TAFA5: variants seen among roughly 807,000 people sequenced by gnomAD.
TAFA5 encodes the protein TAFA chemokine like family member 5, also known as chemokine-like protein TAFA-5.
TAFA5 carries 6 observed loss-of-function variants against 15.3 expected under a neutral mutation model. The ratio of observed to expected loss-of-function variants is 0.39; its 90% confidence interval spans 0.21 to 0.77. The LOEUF (loss-of-function observed/expected upper bound fraction) is 0.77, where lower values mean the gene tolerates loss of function less well. Among genes scored for constraint, TAFA5 ranks in the 30% least tolerant of loss-of-function variants. The probability of loss-of-function intolerance (pLI) is 0.41; values close to 1 mark genes in which losing one functional copy is unlikely to be tolerated. For synonymous variants in TAFA5, 103 were observed against 80.7 expected (o/e 1.28, Z -1.48); for missense variants, 161 against 193.1 (o/e 0.83, Z 0.98).
chr22:48,693,841 C>T (rs779250322), intron 2 of TAFA5, among the ~76,000 whole-genome samples: 1 of 152,204 alleles, frequency 6.6e-6, no homozygotes, highest in Admixed American at 6.5e-5. Flanking sequence ...CCACCTATAC[C>T]CATCTTACTG....
intron 3 of TAFA5, among the ~76,000 whole-genome samples, chr22:48,720,300 C>T (rs1929531744): frequency 1.3e-5 from 2 of 152,142 alleles, no homozygotes; most frequent in African/African-American, 4.8e-5. Context: ...TCCCTGTCTT[C>T]TCCCCACCGT....
chr22:48,517,697 C>A (rs1921460220), intron 1 of TAFA5, among the ~76,000 whole-genome samples: 1 of 130,512 alleles, frequency 7.7e-6, no homozygotes, highest in Non-Finnish European at 1.7e-5. Flanking sequence ...CACGCACAGA[C>A]CTGGGCCTAG....
intron 2 of TAFA5, among the ~76,000 whole-genome samples, chr22:48,686,951 G>C (rs1216740317): frequency 1.3e-5 from 2 of 150,084 alleles, no homozygotes; most frequent in African/African-American, 5.0e-5. Context: ...TTGGTGGAGG[G>C]TGGGTGATGA....
At chr22:48,730,588 A>G (rs1929843621) in intron 3 of TAFA5, among the ~76,000 whole-genome samples, 1 of 152,182 alleles carries the variant, frequency 6.6e-6, no homozygotes, top group African/African-American at 2.4e-5. Context: ...TCAACAGCGT[A>G]TGCTCACTTT....
intron 1 of TAFA5, among the ~76,000 whole-genome samples, chr22:48,499,104 G>A (rs554347749): frequency 6.6e-6 from 1 of 152,206 alleles, no homozygotes; most frequent in African/African-American, 2.4e-5. Flanking sequence ...TCTGCCGGGA[G>A]GGAGGTGTCT....
intron 2 of TAFA5, among the ~76,000 whole-genome samples, chr22:48,653,399 AGCAGGTGG>A (rs1927125041): frequency 6.6e-6 from 1 of 152,234 alleles, no homozygotes; most frequent in South Asian, 2.1e-4. Flanking sequence ...CTTCAGGCCC[AGCAGGTGG>A]GCAGGGCAGG....
At chr22:48,683,527 T>C (rs1228737916) in intron 2 of TAFA5, among the ~76,000 whole-genome samples, 1 of 152,236 alleles carries the variant, frequency 6.6e-6, no homozygotes, top group East Asian at 1.9e-4. Context: ...AGGGACGGGC[T>C]GAGGCCAGAG....
intron 3 of TAFA5, among the ~76,000 whole-genome samples, chr22:48,717,096 G>A (rs182158329): frequency 1.3e-5 from 2 of 152,192 alleles, no homozygotes; most frequent in African/African-American, 4.8e-5. Context: ...GAATACAGTC[G>A]CATCCTAAAG....
chr22:48,553,865 CTGTT>C (rs1922940800), intron 1 of TAFA5, among the ~76,000 whole-genome samples: 1 of 152,168 alleles, frequency 6.6e-6, no homozygotes, highest in African/African-American at 2.4e-5. Flanking sequence ...ACAGTGGAGG[CTGTT>C]TGATGCTCAT....
chr22:48,581,719 A>G (rs35885677), intron 1 of TAFA5, among the ~76,000 whole-genome samples: 36,065 of 152,144 alleles, frequency 0.24, 4,322 homozygotes, highest in East Asian at 0.34. Context: ...CTGCTTATGC[A>G]TAACTAAATG....
rs952968773 is a variant in TAFA5 at position 48,489,775 on chromosome 22, G to A, written c.112+71G>A. ...GGACCCCCTCCTCCGGCCCCGGCAGGCGCCCCGCGGGCCTCCCGGAGTCGG... is the reference window on the plus strand; with the variant it reads ...GGACCCCCTCCTCCGGCCCCGGCAGACGCCCCGCGGGCCTCCCGGAGTCGG... On this transcript the variant is annotated intron_variant, in intron 1 of 3. Coordinates refer to ENST00000402357, the MANE Select transcript of TAFA5 (RefSeq NM_001082967.3). The surrounding 1 kb of genome is among the most constrained non-coding windows in gnomAD (Gnocchi z 5.5). 11 of 989,956 alleles carry A rather than the reference G, an allele frequency of 1.1e-5. No homozygotes were observed. Among genetic ancestry groups the A allele is most frequent in the African/African-American group, 1.7e-5 (1 of 57,420 alleles). 61.3% of individuals were successfully genotyped at this position (989,956 alleles called of 1,614,324 possible). A position where few individuals can be genotyped will look rare whatever the true frequency, so the allele number is the denominator to read the frequency against.
rs1601618651 is a variant in TAFA5, at chr22:48,617,229, C to T, written c.113-29368C>T. On this transcript the variant is annotated intron_variant, in intron 1 of 3. Transcript: ENST00000402357. ...GGTCTCACAGGCAGTCACAGGCGTC[C>T]TGGGAAGAGGAGGCAAAAGGGGCAT... Among the ~76,000 whole-genome samples the T allele has an allele frequency of 3.4e-5, 5 of 147,892 alleles. No homozygotes were observed. The Admixed American group carries it at 3.4e-4, about 10-fold the overall frequency.
intron 2 of TAFA5, among the ~76,000 whole-genome samples, chr22:48,681,196 C>G (rs1056907146): frequency 2.0e-5 from 3 of 152,184 alleles, no homozygotes; most frequent in Non-Finnish European, 4.4e-5. Context: ...GCAGCCCCTG[C>G]CCATCGCAGC....
rs145816949 is a variant in TAFA5, at chr22:48,673,349, G to A, written c.262+26603G>A. ...TTCCTCTGGGGTCAGTTTTCAGCTC[G>A]CTCCTCTCTGTGCCTCTGCTTCCTG... On this transcript the variant is annotated intron_variant, in intron 2 of 3. Coordinates refer to ENST00000402357, the MANE Select transcript of TAFA5 (RefSeq NM_001082967.3). 4.3e-3 allele frequency among the ~76,000 whole-genome samples: 649 copies of A among 152,218 alleles called. 8 individuals carry two copies. Among genetic ancestry groups the A allele is most frequent in the African/African-American group, 0.015 (625 of 41,524 alleles).
chr22:48,741,793 CT>C (rs1601710583), intron 3 of TAFA5, among the ~76,000 whole-genome samples: 1 of 152,324 alleles, frequency 6.6e-6, no homozygotes, highest in East Asian at 1.9e-4. Context: ...AGCGAATGTC[CT>C]TTGTTCAAGC....
chr22:48,491,175 G>C (rs535959802), intron 1 of TAFA5, among the ~76,000 whole-genome samples: 1 of 152,284 alleles, frequency 6.6e-6, no homozygotes, highest in East Asian at 1.9e-4. Context: ...CAGGGAGCAG[G>C]GTCTGGGGGT....
intron 2 of TAFA5, among the ~76,000 whole-genome samples, chr22:48,703,126 G>A (rs1005340967): frequency 7.9e-5 from 12 of 152,264 alleles, no homozygotes; most frequent in Middle Eastern, 3.4e-3. Flanking sequence ...ATACGTGTTT[G>A]TGAGCATGCA....
At chr22:48,674,274 G>A (rs976570114) in intron 2 of TAFA5, among the ~76,000 whole-genome samples, 6 of 152,178 alleles carry the variant, frequency 3.9e-5, no homozygotes, top group East Asian at 1.9e-4. Context: ...TTGGGCCTCC[G>A]GCATTGCTCG....
At chr22:48,575,684 G>A (rs1184278578) in intron 1 of TAFA5, among the ~76,000 whole-genome samples, 1 of 146,010 alleles carries the variant, frequency 6.8e-6, no homozygotes, top group Non-Finnish European at 1.5e-5. Context: ...TCCCGGCCGC[G>A]GCGGCGGAGG....
Sources: allele counts gnomAD v4.1 joint callset (sites outside exome capture counted in the v4.1 genomes callset), GRCh38; gene constraint gnomAD v4.1.1; non-coding constraint Gnocchi (gnomAD v3.1); transcripts MANE v1.5; gene names NCBI Gene and HGNC (gene_info 2026-07-23, HGNC 2026-07-21).